The following NXPE2 variants were observed in gnomAD, a reference collection of about 807,000 sequenced individuals.
NXPE2 encodes neurexophilin and PC-esterase domain family member 2.
Under a neutral mutation model 34.4 loss-of-function variants are expected in NXPE2, and 34 were observed. That is an observed-to-expected ratio of 0.99 (90% CI 0.75 to 1.31). NXPE2 has a LOEUF of 1.31. Ranked by LOEUF, NXPE2 falls within the 40% of genes most tolerant of loss-of-function variation. The pLI, the probability that NXPE2 is intolerant of heterozygous loss-of-function variation, is 0.00. For synonymous variants in NXPE2, 235 were observed against 231.3 expected, an observed-to-expected ratio of 1.02 and a Z score of -0.15; for missense variants, 649 against 672.5, an observed-to-expected ratio of 0.97 and a Z score of 0.39.
the NXPE2 span, among the ~76,000 whole-genome samples, chr11:114,769,804 G>T: frequency 6.6e-6 from 1 of 152,104 alleles, no homozygotes; most frequent in Admixed American, 6.5e-5. Context: ...CACCCTCTGG[G>T]GCCTGTCGGG....
the NXPE2 span, among the ~76,000 whole-genome samples, chr11:114,629,610 C>T: frequency 2.2e-4 from 34 of 152,058 alleles, no homozygotes; most frequent in Middle Eastern, 6.8e-3. Context: ...AAAACTGGCA[C>T]AAGACAGGGA....
At chr11:114,629,928 C>T in the NXPE2 span, among the ~76,000 whole-genome samples, 1 of 150,260 alleles carries the variant, frequency 6.7e-6, no homozygotes, top group South Asian at 2.1e-4. Flanking sequence ...ACAATTGCTT[C>T]AAAGATAATA....
the NXPE2 span, among the ~76,000 whole-genome samples, chr11:114,773,725 C>G: frequency 6.6e-6 from 1 of 152,194 alleles, no homozygotes; most frequent in African/African-American, 2.4e-5. Flanking sequence ...TTGCCTTCCC[C>G]AGTGGGGGTG....
chr11:114,647,872 T>C, the NXPE2 span, among the ~76,000 whole-genome samples: 1 of 152,042 alleles, frequency 6.6e-6, no homozygotes. Context: ...TGGCTAAGTT[T>C]TGTAATTTTA....
the NXPE2 span, among the ~76,000 whole-genome samples, chr11:114,772,740 C>T: frequency 6.6e-6 from 1 of 152,068 alleles, no homozygotes; most frequent in Admixed American, 6.5e-5. Flanking sequence ...GAAAACAGGC[C>T]CATCTTTTCT....
the NXPE2 span, among the ~76,000 whole-genome samples, chr11:114,664,563 C>T: frequency 1.3e-5 from 2 of 152,122 alleles, no homozygotes; most frequent in African/African-American, 4.8e-5. Context: ...CTGTTCTGCA[C>T]ACACAGAAGA....
chr11:114,652,302 G>T, the NXPE2 span, among the ~76,000 whole-genome samples: 5,891 of 152,268 alleles, frequency 0.039, 164 homozygotes, highest in Middle Eastern at 0.092. Flanking sequence ...AAGGCATCCT[G>T]TTCCTTCCTA....
At chr11:114,772,916 T>A in the NXPE2 span, among the ~76,000 whole-genome samples, 1 of 152,122 alleles carries the variant, frequency 6.6e-6, no homozygotes, top group Non-Finnish European at 1.5e-5. Flanking sequence ...CTTGTTTTCA[T>A]CCCTTTTCTC....
At chr11:114,729,415 G>C in the NXPE2 span, among the ~76,000 whole-genome samples, 2 of 152,174 alleles carry the variant, frequency 1.3e-5, no homozygotes, top group East Asian at 3.9e-4. Context: ...TTTTCTTTCA[G>C]ATATATACCC....
At chr11:114,571,089 T>G in the NXPE2 span, 4 of 1,614,008 alleles carry the variant, frequency 2.5e-6, no homozygotes, top group Non-Finnish European at 3.4e-6. Flanking sequence ...GATGAGATAT[T>G]GAATGTAACC....
the NXPE2 span, among the ~76,000 whole-genome samples, chr11:114,649,046 A>G: frequency 6.6e-6 from 1 of 152,160 alleles, no homozygotes; most frequent in African/African-American, 2.4e-5. Context: ...TGTTTATGTA[A>G]CTGGTCACAT....
the NXPE2 span, among the ~76,000 whole-genome samples, chr11:114,773,271 C>T: frequency 2.1e-5 from 1 of 48,234 alleles, no homozygotes; most frequent in Non-Finnish European, 5.4e-5. Flanking sequence ...CCTACACAAC[C>T]CACTCCCACC....
chr11:114,718,632 A>G, the NXPE2 span, among the ~76,000 whole-genome samples: 1 of 152,212 alleles, frequency 6.6e-6, no homozygotes, highest in South Asian at 2.1e-4. Flanking sequence ...AGGTTCTCTT[A>G]CACTTGAGGG....
At chr11:114,747,492 G>A in the NXPE2 span, among the ~76,000 whole-genome samples, 1 of 151,924 alleles carries the variant, frequency 6.6e-6, no homozygotes, top group African/African-American at 2.4e-5. Context: ...CTGAGGGTAT[G>A]TAATTTATAA....
the NXPE2 span, among the ~76,000 whole-genome samples, chr11:114,519,798 G>T: frequency 1.4e-4 from 21 of 152,154 alleles, no homozygotes; most frequent in East Asian, 3.5e-3. Context: ...TACATTTAAG[G>T]TATACAGTGT....
the NXPE2 span, among the ~76,000 whole-genome samples, chr11:114,811,171 A>T: frequency 1.7e-5 from 2 of 118,158 alleles, no homozygotes; most frequent in Non-Finnish European, 3.3e-5. Context: ...AACATCACAC[A>T]CCAGGGACTG....
the NXPE2 span, among the ~76,000 whole-genome samples, chr11:114,492,612 C>T: frequency 6.6e-6 from 1 of 151,576 alleles, no homozygotes; most frequent in Non-Finnish European, 1.5e-5. Flanking sequence ...GATCTCGGCT[C>T]ACTGCAAGCT....
At chr11:114,615,921 GATA>G in the NXPE2 span, among the ~76,000 whole-genome samples, 1 of 150,928 alleles carries the variant, frequency 6.6e-6, no homozygotes, top group Non-Finnish European at 1.5e-5. Context: ...TTACCTGGTG[GATA>G]ATATGTATCG....
chr11:114,626,697 G>A, the NXPE2 span, among the ~76,000 whole-genome samples: 10 of 152,170 alleles, frequency 6.6e-5, no homozygotes, highest in Non-Finnish European at 1.3e-4. Context: ...GCTGAGAGAA[G>A]GCTTCAGACA....
Sources: allele counts gnomAD v4.1 joint callset (sites outside exome capture counted in the v4.1 genomes callset), GRCh38; gene constraint gnomAD v4.1.1; transcripts MANE v1.5; gene names NCBI Gene and HGNC (gene_info 2026-07-23, HGNC 2026-07-21).